The following WDFY3 variants were observed in gnomAD, a reference collection of about 807,000 sequenced individuals.
The protein encoded by WDFY3 is WD repeat and FYVE domain containing 3.
A neutral mutation model predicts 409.6 loss-of-function variants in WDFY3; 66 were observed. The observed-to-expected ratio is 0.16, with a 90% confidence interval of 0.13 to 0.20. The LOEUF (loss-of-function observed/expected upper bound fraction) is 0.20, where lower values mean the gene tolerates loss of function less well. Among genes scored for constraint, WDFY3 ranks in the 10% least tolerant of loss-of-function variants. WDFY3 has a pLI of 1.00. For missense variants in WDFY3, 3,031 were observed against 4,298.1 expected (o/e 0.71, Z 8.24); for synonymous variants, 1,521 against 1,537.1 (o/e 0.99, Z 0.25).
intron 2 of WDFY3, among the ~76,000 whole-genome samples, chr4:84,914,349 G>A (rs969608984): frequency 6.6e-6 from 1 of 152,086 alleles, no homozygotes; most frequent in African/African-American, 2.4e-5. Context: ...TGAACTTGGA[G>A]GTTGCAGTGG....
intron 32 of WDFY3, among the ~76,000 whole-genome samples, chr4:84,758,875 G>T (rs1224306859): frequency 6.6e-6 from 1 of 152,130 alleles, no homozygotes; most frequent in Non-Finnish European, 1.5e-5. Context: ...TGAAGTCCTT[G>T]CCCGTGCCTA....
intron 6 of WDFY3, among the ~76,000 whole-genome samples, chr4:84,839,569 A>G (rs1370541179): frequency 6.6e-5 from 10 of 151,988 alleles, no homozygotes; most frequent in African/African-American, 2.2e-4. Flanking sequence ...TAAAAAAAAA[A>G]AAAGAGGGCC....
intron 67 of WDFY3, among the ~76,000 whole-genome samples, chr4:84,673,269 C>T (rs111773520): frequency 1.1e-4 from 16 of 152,194 alleles, no homozygotes; most frequent in African/African-American, 3.6e-4. Context: ...TACAATGAGG[C>T]CAAGGTGTCT....
rs1753725171 is a variant in WDFY3 at position 84,819,169 on chromosome 4, C to T, written c.1693+916G>A. ...AATTACTTCTATAATTATGTGTCTA[C>T]ATTTTTCTTCACTAGATTCTAATTC... is the stretch of plus-strand genomic sequence containing the variant. On this transcript the variant is annotated intron_variant, in intron 12 of 67. Transcript: ENST00000295888. Among the ~76,000 whole-genome samples the T allele has an allele frequency of 2.0e-5, 3 of 152,064 alleles. No homozygotes were observed. In the South Asian group the frequency reaches 6.2e-4, roughly 31 times the overall value.
At chr4:84,873,139 TA>T (rs1366700306) in intron 3 of WDFY3, among the ~76,000 whole-genome samples, 4 of 152,202 alleles carry the variant, frequency 2.6e-5, no homozygotes, top group Non-Finnish European at 5.9e-5. Context: ...AATCAATACA[TA>T]TATAGTTTAC....
At position 84,821,130 on chromosome 4, in the gene WDFY3, T is replaced by C. The variant is rs1753996240; in HGVS notation, c.1545A>G (p.Lys515=). 1.2e-6 allele frequency: 2 copies of C among 1,613,510 alleles called. No individual in the cohort carries two copies. Among genetic ancestry groups the C allele is most frequent in the Non-Finnish European group, 1.7e-6 (2 of 1,179,710 alleles). ...LLEVMVNLLH[K]YAALLKDPTQ... is the part of the protein sequence containing the mutation. ...TTGGATCCTTCAACAGGGCAGCATA[T>C]TTATGCAAAAGGTTTACCATGACCT... is the stretch of plus-strand genomic sequence containing the variant. Residue 515 remains lysine (K), a synonymous_variant, in exon 11 of 68, where the codon AAA becomes AAG. Coordinates refer to ENST00000295888, the MANE Select transcript of WDFY3 (RefSeq NM_014991.6).
At chr4:84,766,805 CG>C (rs1743730155) in intron 30 of WDFY3, among the ~76,000 whole-genome samples, 1 of 151,980 alleles carries the variant, frequency 6.6e-6, no homozygotes, top group Non-Finnish European at 1.5e-5. Flanking sequence ...ATTCAGTAAA[CG>C]TAATACATAA....
chr4:84,690,246 T>C (rs1247260610), intron 61 of WDFY3, among the ~76,000 whole-genome samples: 2 of 152,220 alleles, frequency 1.3e-5, no homozygotes, highest in African/African-American at 4.8e-5. Flanking sequence ...TTATATTACT[T>C]AAATACACTG....
At chr4:84,796,328 T>C (rs562881541) in intron 19 of WDFY3, among the ~76,000 whole-genome samples, 193 bp downstream of exon 19, 2 of 152,248 alleles carry the variant, frequency 1.3e-5, no homozygotes, top group East Asian at 1.9e-4. Flanking sequence ...CATATCAATT[T>C]ATTTTGTATA....
intron 62 of WDFY3, among the ~76,000 whole-genome samples, chr4:84,684,821 G>C (rs558946082): frequency 6.6e-6 from 1 of 152,236 alleles, no homozygotes; most frequent in Non-Finnish European, 1.5e-5. Context: ...AATTCTACCA[G>C]GCTGGGCTCT....
intron 3 of WDFY3, among the ~76,000 whole-genome samples, chr4:84,874,350 T>C (rs901553829): frequency 3.3e-5 from 5 of 151,806 alleles, no homozygotes; most frequent in Admixed American, 2.6e-4. Flanking sequence ...GAGGCGGAGG[T>C]TGCAGTGAGC....
Position 84,831,481 on chromosome 4 carries a change from C to G in WDFY3, c.701G>C (p.Ser234Thr). ...CPPYNLPWRK[S>T]AGEVLMTISR... is the part of the protein sequence containing the mutation. The stretch of plus-strand genomic sequence containing the variant: ...TATGGTCATGAGGACTTCTCCAGCA[C>G]TCTTTCTCCAAGGCAGGTTATAGGG... The change falls in exon 8 of 68, where the codon AGT becomes ACT. Residue 234 changes from serine to threonine, a missense_variant. Around this residue, in one of 16 missense-constraint regions of WDFY3, gnomAD observed 1,322 missense variants for 1,697.9 expected, o/e 0.78. Transcript: ENST00000295888. The G allele has an allele frequency of 6.2e-7, 1 of 1,614,064 alleles. No homozygotes were observed. The highest frequency in any genetic ancestry group is 8.5e-7 in the Non-Finnish European group (1 of 1,179,986).
intron 38 of WDFY3, among the ~76,000 whole-genome samples, 183 bp downstream of exon 38, chr4:84,741,578 G>A (rs1380828544): frequency 1.3e-5 from 2 of 152,130 alleles, no homozygotes; most frequent in African/African-American, 2.4e-5. Context: ...GCCTCCCAAA[G>A]TGCTGATACT....
chr4:84,684,525 T>G (rs1727977584), intron 62 of WDFY3, among the ~76,000 whole-genome samples: 2 of 152,164 alleles, frequency 1.3e-5, no homozygotes, highest in Non-Finnish European at 2.9e-5. Context: ...CCACCTCCAC[T>G]TTTACAAAAT....
At chr4:84,751,888 C>T (rs1399710240) in intron 35 of WDFY3, among the ~76,000 whole-genome samples, 172 bp from the exon 36 acceptor site, 1 of 152,190 alleles carries the variant, frequency 6.6e-6, no homozygotes, top group Non-Finnish European at 1.5e-5. Flanking sequence ...TAATCTGGCA[C>T]CATATGTCAT....
intron 2 of WDFY3, among the ~76,000 whole-genome samples, chr4:84,923,953 T>C (rs1769639402): frequency 6.6e-6 from 1 of 152,216 alleles, no homozygotes; most frequent in African/African-American, 2.4e-5. Context: ...ATAGCCATGA[T>C]TGTGAGTTAT....
chr4:84,875,139 G>A (rs1006161805), intron 3 of WDFY3, among the ~76,000 whole-genome samples: 24 of 151,672 alleles, frequency 1.6e-4, no homozygotes, highest in African/African-American at 4.4e-4. Context: ...ATGGTGGCAC[G>A]CGCCTGTAGT....
Position 84,751,297 on chromosome 4 carries a change from G to A in WDFY3, c.5973+186C>T, listed in dbSNP as rs970052108. ...GAATTAGAGACATCCTTGAGGGAAG[G>A]AAAAGAACAAACTGATAGGGTTTAA... On this transcript the variant is annotated intron_variant, in intron 36 of 67. Transcript: ENST00000295888. The A allele has an allele frequency of 1.3e-3, 842 of 635,186 alleles. 12 individuals are homozygous for A. The highest frequency in any genetic ancestry group is 2.5e-4 in the Non-Finnish European group (94 of 369,388). The allele number at this position is 635,186 out of a possible 1,614,324, so 39.3% of individuals were successfully genotyped here. A position where few individuals can be genotyped will look rare whatever the true frequency, so the allele number is the denominator to read the frequency against.
chr4:84,803,597 G>A, intron 15 of WDFY3, 130 bp from the exon 16 acceptor site: 1 of 1,013,838 alleles, frequency 9.9e-7, no homozygotes, highest in Non-Finnish European at 1.4e-6. Flanking sequence ...AGAAAAAAAG[G>A]AATATATTAT....
Sources: gnomAD v4.1 joint callset for allele counts (sites outside exome capture counted in the v4.1 genomes callset) on GRCh38, gnomAD v4.1.1 for gene constraint, gnomAD v4.1.1 regional missense constraint, MANE v1.5 for transcripts, NCBI Gene and HGNC (gene_info 2026-07-23, HGNC 2026-07-21) for gene names.